The following GSE1 variants were observed in gnomAD, a reference collection of about 807,000 sequenced individuals.
GSE1 encodes Gse1 coiled-coil protein.
Under a neutral mutation model 112.6 loss-of-function variants are expected in GSE1, and 32 were observed. The ratio of observed to expected loss-of-function variants is 0.28; its 90% confidence interval spans 0.21 to 0.38. The LOEUF (loss-of-function observed/expected upper bound fraction) is 0.38, where lower values mean the gene tolerates loss of function less well. Among genes scored for constraint, GSE1 ranks in the 10% least tolerant of loss-of-function variants. The pLI is 1.00. For missense variants in GSE1, 2,348 were observed against 1,699.2 expected (o/e 1.38, Z -6.71); for synonymous variants, 1,115 against 735.6 (o/e 1.52, Z -8.35).
rs557331164 is a variant in GSE1 at position 85,478,945 on chromosome 16, CTTTT to C, written c.2464+121308_2464+121311del. Among the ~76,000 whole-genome samples, 558 of 84,688 alleles carry C rather than the reference CTTTT, an allele frequency of 6.6e-3. 65 individuals are homozygous for C. Among genetic ancestry groups the C allele is most frequent in the Non-Finnish European group, 7.4e-3 (319 of 43,256 alleles). The allele number at this position is 84,688 out of a possible 152,430, so 55.6% of individuals were successfully genotyped here. A position where few individuals can be genotyped will look rare whatever the true frequency, so the allele number is the denominator to read the frequency against. ...TTTCTTTCTCTTTCTTTCTTTCTTT[CTTTT>C]TTTTTCTTTCTTTCTTTCCTTCCTT... On this transcript the variant is annotated intron_variant, in intron 2 of 2. Coordinates refer to the GSE1 transcript ENST00000637419.
upstream of GSE1, chr16:85,555,002 G>A (rs1433013614): frequency 1.0e-6 from 1 of 985,404 alleles, no homozygotes. Flanking sequence ...TGGATCTGCC[G>A]CCCGGCTCGG....
intron 2 of GSE1, among the ~76,000 whole-genome samples, chr16:85,388,465 T>C (rs2047755640): frequency 1.2e-5 from 1 of 82,490 alleles, no homozygotes; most frequent in Non-Finnish European, 2.4e-5. Flanking sequence ...GGTAGATGGG[T>C]GAGTGGATGG....
At chr16:85,203,744 CTT>C (rs1257804208) in intron 1 of GSE1, among the ~76,000 whole-genome samples, 1 of 152,138 alleles carries the variant, frequency 6.6e-6, no homozygotes, top group Non-Finnish European at 1.5e-5. Context: ...TTTTACAAAA[CTT>C]TACTTATTTG....
chr16:85,363,564 C>A (rs1281281182), intron 2 of GSE1, among the ~76,000 whole-genome samples: 1 of 152,234 alleles, frequency 6.6e-6, no homozygotes, highest in African/African-American at 2.4e-5. Context: ...CAGGGCAGGG[C>A]TGATCCCAGC....
chr16:85,672,340 TA>T (rs2152031360), intron 15 of GSE1, 64 bp from the exon 16 acceptor site: 1 of 1,234,146 alleles, frequency 8.1e-7, no homozygotes, highest in East Asian at 2.4e-5. Flanking sequence ...AGCATGTTTG[TA>T]CTCTACATGC....
chr16:85,427,914 A>G (rs1445825778), intron 2 of GSE1, among the ~76,000 whole-genome samples: 2 of 152,270 alleles, frequency 1.3e-5, no homozygotes, highest in African/African-American at 2.4e-5. Context: ...ATTAAAAAAT[A>G]TCAGTGAGAT....
intron 1 of GSE1, among the ~76,000 whole-genome samples, chr16:85,259,138 G>T (rs899591049): frequency 3.9e-5 from 6 of 152,160 alleles, no homozygotes; most frequent in African/African-American, 1.4e-4. Context: ...AGGGGCCACC[G>T]CGTCTGTGGA....
In GSE1 at chr16:85,208,457, G is replaced by A. The variant is rs143206242; in HGVS notation, c.2283+36650G>A. Among the ~76,000 whole-genome samples the A allele has an allele frequency of 1.4e-4, 21 of 152,304 alleles. No individual in the cohort carries two copies. In the East Asian group the frequency reaches 3.7e-3, roughly 27 times the overall value. On this transcript the variant is annotated intron_variant, in intron 1 of 2. Transcript: ENST00000637419. ...CCCTGGACCAGGCCCCTTCCCTGAC[G>A]CTTTGCCTGACGCTGGCCTCCTGCT...
chr16:85,425,444 C>G (rs1326760891), intron 2 of GSE1, among the ~76,000 whole-genome samples: 1 of 152,120 alleles, frequency 6.6e-6, no homozygotes, highest in Admixed American at 6.5e-5. Flanking sequence ...GCTGGAGCTG[C>G]GAGTGTCAGG....
chr16:85,596,829 A>G (rs928121282), intron 1 of GSE1, among the ~76,000 whole-genome samples: 1 of 152,038 alleles, frequency 6.6e-6, no homozygotes, highest in African/African-American at 2.4e-5. Context: ...TGAAGCCAGG[A>G]CTTCGAGATC....
At chr16:85,633,893 G>A in intron 1 of GSE1, 21 bp from the exon 2 acceptor site, 5 of 1,595,480 alleles carry the variant, frequency 3.1e-6, no homozygotes, top group Non-Finnish European at 4.3e-6. Flanking sequence ...GTGACCTCTG[G>A]TTCTTCTTTT....
chr16:85,377,669 C>T (rs2047449985), intron 2 of GSE1, among the ~76,000 whole-genome samples: 2 of 152,218 alleles, frequency 1.3e-5, no homozygotes, highest in Admixed American at 1.3e-4. Context: ...CCTGTGACAC[C>T]TGGAGGTCCT....
At chr16:85,411,010 A>AGGGCCCCCCTG (rs2048520269) in intron 2 of GSE1, among the ~76,000 whole-genome samples, 1 of 42,872 alleles carries the variant, frequency 2.3e-5, no homozygotes. Context: ...TGTTACACTC[A>AGGGCCCCCCTG]GAGCCCCCCT....
chr16:85,467,970 C>T (rs1030384422), intron 2 of GSE1, among the ~76,000 whole-genome samples: 13 of 152,128 alleles, frequency 8.5e-5, no homozygotes, highest in African/African-American at 2.9e-4. Context: ...GAGAATGGGG[C>T]GTGGGAGGGG....
intron 3 of GSE1, among the ~76,000 whole-genome samples, chr16:85,649,875 C>T (rs1567718754): frequency 6.6e-6 from 1 of 152,172 alleles, no homozygotes; most frequent in Non-Finnish European, 1.5e-5. Flanking sequence ...GCCTGTCTGC[C>T]CTCTATCCCC....
intron 1 of GSE1, among the ~76,000 whole-genome samples, chr16:85,625,388 C>G (rs2049003514): frequency 6.6e-6 from 1 of 152,192 alleles, no homozygotes; most frequent in Non-Finnish European, 1.5e-5. Context: ...AGGCTGCTGT[C>G]CGCGGGTCCC....
At chr16:85,550,324 T>A (rs1316571458) in intron 2 of GSE1, among the ~76,000 whole-genome samples, 4 of 152,160 alleles carry the variant, frequency 2.6e-5, no homozygotes, top group African/African-American at 9.7e-5. Flanking sequence ...CTCTCTGTTC[T>A]TCATCTGGAA....
chr16:85,389,212 C>T (rs2047775401), intron 2 of GSE1, among the ~76,000 whole-genome samples: 1 of 152,110 alleles, frequency 6.6e-6, no homozygotes, highest in South Asian at 2.1e-4. Context: ...GTTATCCCAG[C>T]ACTTTGGGAG....
chr16:85,567,030 TCCCGCC>T (rs1347299803), intron 1 of GSE1, among the ~76,000 whole-genome samples: 1 of 149,876 alleles, frequency 6.7e-6, no homozygotes, highest in East Asian at 2.0e-4. Context: ...AAGGTGTTAC[TCCCGCC>T]CCCACCCCCA....
Sources: allele counts gnomAD v4.1 joint callset (sites outside exome capture counted in the v4.1 genomes callset), GRCh38; gene constraint gnomAD v4.1.1; transcripts MANE v1.5; gene names NCBI Gene and HGNC (gene_info 2026-07-23, HGNC 2026-07-21).